Variants in FOXR1 observed in about 807,000 individuals in gnomAD.
FOXR1 encodes the protein forkhead box protein R1.
FOXR1 carries 25 observed loss-of-function variants against 34.5 expected under a neutral mutation model. The observed-to-expected ratio is 0.72, with a 90% CI of 0.53 to 1.01. FOXR1 has a LOEUF of 1.01. FOXR1 is among the 50% of genes least tolerant of loss of function. The pLI is 0.00. For missense variants in FOXR1, 373 were observed against 376.2 expected (o/e 0.99, Z 0.07); for synonymous variants, 153 against 141.6 (o/e 1.08, Z -0.57).
In FOXR1 at chr11:118,971,970, C is replaced by T. The variant is rs1356856302; in HGVS notation, c.39C>T (p.His13=). The change falls in exon 1 of 6, where the codon CAC becomes CAT. Residue 13 remains histidine (H), a synonymous_variant. Coordinates refer to ENST00000317011, the MANE Select transcript of FOXR1 (RefSeq NM_181721.3). The part of the protein sequence containing the change: ...NELFLAFTTS[H]LPLAEQKLAR... ...TCTTTCTGGCCTTCACCACATCTCA[C>T]CTCCCCTTAGCGGAGCAGAAACGTG... The T allele has an allele frequency of 1.0e-5, 16 of 1,552,450 alleles. No homozygotes were observed. The highest frequency in any genetic ancestry group is 1.4e-5 in the African/African-American group (1 of 73,122).
chr11:118,971,903 G>A lies in FOXR1; in HGVS notation c.-29G>A, dbSNP rs1299244336. 3 of 1,553,162 alleles carry A rather than the reference G, an allele frequency of 1.9e-6. No homozygotes were observed. Among genetic ancestry groups the A allele is most frequent in the Non-Finnish European group, 2.6e-6 (3 of 1,147,390 alleles). ...CTCGACTTCTGGGCCCGCCTCCATGGCCAGGTCCCGGGACTGCTGGACTGG... is the reference window on the plus strand; with the variant it reads ...CTCGACTTCTGGGCCCGCCTCCATGACCAGGTCCCGGGACTGCTGGACTGG... On this transcript the variant is annotated 5_prime_UTR_variant, in exon 1 of 6. Coordinates refer to ENST00000317011, the MANE Select transcript of FOXR1 (RefSeq NM_181721.3).
In FOXR1 at chr11:118,979,566, T is replaced by C; in HGVS notation, c.509T>C (p.Leu170Pro). ...LRQASSQAGR[L>P]WSRPPLNYFH... ...CAAGCCAGCAGCCAGGCGGGGAGGC[T>C]CTGGTCCCGGCCCCCTCTCAATTAC... Residue 170 changes from leucine to proline, a missense_variant, in exon 4 of 6, where the codon CTC becomes CCC. Coordinates refer to ENST00000317011, the MANE Select transcript of FOXR1 (RefSeq NM_181721.3). 1.2e-6 allele frequency: 2 copies of C among 1,613,214 alleles called. No homozygotes were observed. Among genetic ancestry groups the C allele is most frequent in the African/African-American group, 2.7e-5 (2 of 75,026 alleles).
At chr11:118,979,414 G>A in intron 3 of FOXR1, 28 bp from the exon 4 acceptor site, 1 of 1,560,924 alleles carries the variant, frequency 6.4e-7, no homozygotes, top group Non-Finnish European at 8.7e-7. Context: ...GAGGAGTCAG[G>A]ACCAGTTCCT....
chr11:118,981,132 C>A, intron 5 of FOXR1, 76 bp from the exon 6 acceptor site: 3 of 1,431,720 alleles, frequency 2.1e-6, no homozygotes, highest in Non-Finnish European at 3.0e-6. Flanking sequence ...AGATGACCTG[C>A]TATGAGAGAG....
intron 1 of FOXR1, among the ~76,000 whole-genome samples, chr11:118,972,333 G>T (rs956554683): frequency 6.6e-6 from 1 of 151,922 alleles, no homozygotes; most frequent in Non-Finnish European, 1.5e-5. Context: ...CCTCTTCTGG[G>T]TCTTCTCCTT....
Position 118,971,917 on chromosome 11 carries a change from C to CT in FOXR1, c.-14dup. ...CCGCCTCCATGGCCAGGTCCCGGGA[C>CT]TGCTGGACTGGGACATGGGGAACGA... On this transcript the variant is annotated 5_prime_UTR_variant, in exon 1 of 6. Coordinates refer to ENST00000317011, the MANE Select transcript of FOXR1 (RefSeq NM_181721.3). 1 of 1,555,540 alleles carries CT rather than the reference C, an allele frequency of 6.4e-7. No individual in the cohort carries two copies. The highest frequency in any genetic ancestry group is 2.4e-5 in the East Asian group (1 of 41,568).
At chr11:118,973,066 C>T (rs908550907) in intron 1 of FOXR1, among the ~76,000 whole-genome samples, 2 of 146,372 alleles carry the variant, frequency 1.4e-5, no homozygotes, top group Non-Finnish European at 3.0e-5. Context: ...AGTATTCTAT[C>T]GGCTGGGTGT....
Position 118,972,118 on chromosome 11 carries a change from G to A in FOXR1, c.61+126G>A, listed in dbSNP as rs1192067010. ...ACCTCCCGGGGAGGCTTGGGGGGCC[G>A]AGCGCCCCGCGCCCCCCCCCCCCGA... is the stretch of plus-strand genomic sequence containing the variant. On this transcript the variant is annotated intron_variant, in intron 1 of 5. Coordinates refer to ENST00000317011, the MANE Select transcript of FOXR1 (RefSeq NM_181721.3). The A allele has an allele frequency of 5.5e-5, 35 of 632,114 alleles. No homozygotes were observed. The Middle Eastern group carries it at 2.3e-3, about 41-fold the overall frequency. 39.2% of individuals were successfully genotyped at this position (632,114 alleles called of 1,614,324 possible). A position where few individuals can be genotyped will look rare whatever the true frequency, so the allele number is the denominator to read the frequency against.
chr11:118,972,006 G>C lies in FOXR1; in HGVS notation c.61+14G>C. On this transcript the variant is annotated intron_variant, in intron 1 of 5. Transcript: ENST00000317011. ...CGGAGCAGAAACGTGAGTAGCGGGT[G>C]GGGTGAGGTGGGGGGCTGGGCGTGG... The C allele has an allele frequency of 6.5e-7, 1 of 1,536,968 alleles. No individual in the cohort carries two copies.
chr11:118,978,401 A>G (rs1054745842), intron 1 of FOXR1, among the ~76,000 whole-genome samples: 3 of 152,154 alleles, frequency 2.0e-5, no homozygotes, highest in African/African-American at 7.2e-5. Context: ...GATGGAATTC[A>G]GTTTTAGAAG....
chr11:118,975,062 C>T (rs753616863), intron 1 of FOXR1, among the ~76,000 whole-genome samples: 2 of 152,012 alleles, frequency 1.3e-5, no homozygotes, highest in South Asian at 2.1e-4. Flanking sequence ...ATGGGTGGAA[C>T]TTAAGGAGTA....
chr11:118,977,098 T>C lies in FOXR1; in HGVS notation c.62-1684T>C, dbSNP rs138620481. Among the ~76,000 whole-genome samples, 584 of 152,306 alleles carry C rather than the reference T, an allele frequency of 3.8e-3. 5 individuals are homozygous for C. The highest frequency in any genetic ancestry group is 0.013 in the African/African-American group (531 of 41,552). On this transcript the variant is annotated intron_variant, in intron 1 of 5. Coordinates refer to ENST00000317011, the MANE Select transcript of FOXR1 (RefSeq NM_181721.3). ...TAGGCTGGAGTGTAGTGGCACGATC[T>C]CAGCTCACTGCAACTTCTGCCTCCC...
At position 118,980,174 on chromosome 11, in the gene FOXR1, C is replaced by G; in HGVS notation, c.612-316C>G. ...CAGTGTTAGGAGAAGTGCCTAATGT[C>G]TCAGGACAGGAATTTTCAAGTGGTG... On this transcript the variant is annotated intron_variant, in intron 4 of 5. Transcript: ENST00000317011. 3 of 568,342 alleles carry G rather than the reference C, an allele frequency of 5.3e-6. 1 individual carries two copies. Among genetic ancestry groups the G allele is most frequent in the South Asian group, 3.1e-5 (2 of 65,554 alleles). The allele number at this position is 568,342 out of a possible 1,614,324, so 35.2% of individuals were successfully genotyped here. A position where few individuals can be genotyped will look rare whatever the true frequency, so the allele number is the denominator to read the frequency against.
intron 1 of FOXR1, among the ~76,000 whole-genome samples, chr11:118,976,352 A>C (rs1313696860): frequency 2.0e-5 from 3 of 152,008 alleles, no homozygotes; most frequent in Admixed American, 6.6e-5. Flanking sequence ...ACGCCACCAC[A>C]CTCGGCTAGA....
intron 4 of FOXR1, 115 bp downstream of exon 4, chr11:118,979,783 A>G: frequency 1.1e-6 from 1 of 912,498 alleles, no homozygotes; most frequent in Admixed American, 2.9e-5. Flanking sequence ...TCTGGGTCTG[A>G]GAGGACAAGT....
chr11:118,972,734 C>T lies in FOXR1; in HGVS notation c.61+742C>T, dbSNP rs190425997. On this transcript the variant is annotated intron_variant, in intron 1 of 5. Transcript: ENST00000317011. ...GCCTCCCGGGTTCAAACGATTCTCC[C>T]GCCCCAGCCTCCTGAGTAGCCTGGA... 9.0e-4 allele frequency among the ~76,000 whole-genome samples: 137 copies of T among 152,088 alleles called. 1 individual carries two copies. The East Asian group carries it at 0.019, about 21-fold the overall frequency.
chr11:118,980,750 G>C, intron 5 of FOXR1, 22 bp downstream of exon 5: 2 of 1,596,822 alleles, frequency 1.3e-6, no homozygotes, highest in East Asian at 4.5e-5. Flanking sequence ...TGTTGTGCGT[G>C]GGCCCAAGGG....
Position 118,978,815 on chromosome 11 carries a change from C to T in FOXR1, c.95C>T (p.Pro32Leu), listed in dbSNP as rs147012890. ...ARYKLRIVKP[P>L]KLPLEKKPNP... ...TATAAACTCCGAATTGTTAAGCCAC[C>T]AAAATTACCCCTAGAGAAAAAACCC... Residue 32 changes from proline to leucine, a missense_variant, in exon 2 of 6, where the codon CCA becomes CTA. Transcript: ENST00000317011. 1.2e-6 allele frequency: 2 copies of T among 1,614,016 alleles called. No individual in the cohort carries two copies. Among genetic ancestry groups the T allele is most frequent in the African/African-American group, 1.3e-5 (1 of 74,894 alleles).
At chr11:118,981,073 A>G (rs1941856694) in intron 5 of FOXR1, 135 bp from the exon 6 acceptor site, 1 of 845,790 alleles carries the variant, frequency 1.2e-6, no homozygotes, top group East Asian at 2.4e-5. Context: ...GGAGCAGTGC[A>G]GGGAGGCTTC....
Sources: gnomAD v4.1 joint callset for allele counts (sites outside exome capture counted in the v4.1 genomes callset) on GRCh38, gnomAD v4.1.1 for gene constraint, MANE v1.5 for transcripts, NCBI Gene and HGNC (gene_info 2026-07-23, HGNC 2026-07-21) for gene names.